The following TAFA1 variants were observed in gnomAD, a reference collection of about 807,000 sequenced individuals.
TAFA1 encodes the protein chemokine-like protein TAFA-1.
In TAFA1, 4 loss-of-function variants were observed where a neutral mutation model predicts 18.5. That is an observed-to-expected ratio of 0.22 (90% CI 0.11 to 0.49). The LOEUF is 0.49. Ranked by LOEUF, TAFA1 falls within the 20% of genes least tolerant of loss-of-function variation. The pLI is 0.98. For missense variants in TAFA1, 147 were observed against 169.0 expected, an observed-to-expected ratio of 0.87 and a Z score of 0.72; for synonymous variants, 56 against 55.2, an observed-to-expected ratio of 1.01 and a Z score of -0.06.
At chr3:68,248,335 A>G (rs771183443) in intron 2 of TAFA1, among the ~76,000 whole-genome samples, 9 of 152,228 alleles carry the variant, frequency 5.9e-5, no homozygotes, top group Non-Finnish European at 7.3e-5. Context: ...AACAAGAACC[A>G]GTAAGTAGAA....
Position 68,285,354 on chromosome 3 carries a change from T to G in TAFA1, c.119-131926T>G, listed in dbSNP as rs574235812. Reference sequence around the variant, plus strand: ...TTGTAAATATTGATCTGGATGGTGCTTATATATAGATATGTAAAAATTAAT... The same window carrying G: ...TTGTAAATATTGATCTGGATGGTGCGTATATATAGATATGTAAAAATTAAT... On this transcript the variant is annotated intron_variant, in intron 2 of 4. Transcript: ENST00000478136. 4.6e-5 allele frequency among the ~76,000 whole-genome samples: 7 copies of G among 152,268 alleles called. No homozygotes were observed. The East Asian group carries it at 1.4e-3, about 29-fold the overall frequency.
At chr3:68,070,045 G>T (rs2064733153) in intron 2 of TAFA1, among the ~76,000 whole-genome samples, 1 of 152,154 alleles carries the variant, frequency 6.6e-6, no homozygotes, top group Non-Finnish European at 1.5e-5. Flanking sequence ...GGGGACTGGG[G>T]GATGATTGCC....
chr3:68,050,044 A>G (rs551864850), intron 2 of TAFA1, among the ~76,000 whole-genome samples: 3 of 152,254 alleles, frequency 2.0e-5, no homozygotes, highest in Admixed American at 1.3e-4. Context: ...TGTGCAGGTT[A>G]CATAACCTCT....
intron 2 of TAFA1, among the ~76,000 whole-genome samples, chr3:68,410,492 T>C (rs532290313): frequency 1.3e-5 from 2 of 152,134 alleles, no homozygotes; most frequent in South Asian, 2.1e-4. Context: ...GGTTTTGGGC[T>C]AATTTTATAG....
At chr3:68,318,187 G>T (rs2068636752) in intron 2 of TAFA1, among the ~76,000 whole-genome samples, 1 of 152,128 alleles carries the variant, frequency 6.6e-6, no homozygotes, top group Non-Finnish European at 1.5e-5. Context: ...GACTGATTTA[G>T]CTCTCTGGTG....
At chr3:68,420,858 A>T (rs2070943282) in intron 3 of TAFA1, among the ~76,000 whole-genome samples, 1 of 152,174 alleles carries the variant, frequency 6.6e-6, no homozygotes, top group Non-Finnish European at 1.5e-5. Flanking sequence ...GAGCACCTCT[A>T]ATGCAGGGAA....
At chr3:68,173,265 G>A (rs909436535) in intron 2 of TAFA1, among the ~76,000 whole-genome samples, 3 of 151,984 alleles carry the variant, frequency 2.0e-5, no homozygotes, top group African/African-American at 7.3e-5. Context: ...TTATTCAAAT[G>A]TACTAAGATG....
chr3:68,529,436 T>TAAAAAAAAAAAAAAAAAA (rs533214097), intron 3 of TAFA1, among the ~76,000 whole-genome samples: 2 of 77,070 alleles, frequency 2.6e-5, no homozygotes, highest in African/African-American at 9.1e-5. Context: ...CACCATTCTC[T>TAAAAAAAAAAAAAAAAAA]AAAAAAAAAA....
chr3:68,048,927 G>T (rs1011628505), intron 2 of TAFA1, among the ~76,000 whole-genome samples: 3 of 152,182 alleles, frequency 2.0e-5, no homozygotes, highest in Non-Finnish European at 4.4e-5. Flanking sequence ...TAACATGGAT[G>T]TGCAGATATC....
intron 3 of TAFA1, among the ~76,000 whole-genome samples, chr3:68,483,481 A>T (rs1394022033): frequency 1.2e-4 from 19 of 152,210 alleles, no homozygotes; most frequent in Non-Finnish European, 1.5e-5. Context: ...CCTCTGATTA[A>T]GAAGTTATAT....
At chr3:68,039,293 T>C (rs1705115674) in intron 2 of TAFA1, among the ~76,000 whole-genome samples, 1 of 152,224 alleles carries the variant, frequency 6.6e-6, no homozygotes, top group Admixed American at 6.5e-5. Flanking sequence ...TATGCATATT[T>C]CTAATTGTTT....
intron 2 of TAFA1, among the ~76,000 whole-genome samples, chr3:68,182,475 C>T (rs1236576919): frequency 1.3e-5 from 2 of 152,166 alleles, no homozygotes; most frequent in South Asian, 2.1e-4. Flanking sequence ...AAACTACTAA[C>T]AGTTTAACAT....
At chr3:68,366,587 A>G (rs916975153) in intron 2 of TAFA1, among the ~76,000 whole-genome samples, 2 of 152,052 alleles carry the variant, frequency 1.3e-5, no homozygotes, top group Admixed American at 1.3e-4. Flanking sequence ...CAAACGTATT[A>G]TCATACCTTT....
chr3:68,305,607 C>T (rs1007575990), intron 2 of TAFA1, among the ~76,000 whole-genome samples: 6 of 151,122 alleles, frequency 4.0e-5, no homozygotes, highest in African/African-American at 1.5e-4. Flanking sequence ...TATAGGGATA[C>T]ACTAGTAAAT....
rs938508823 is a variant in TAFA1 at position 68,058,386 on chromosome 3, T to A, written c.118+51642T>A. On this transcript the variant is annotated intron_variant, in intron 2 of 4. Transcript: ENST00000478136. ...ATTGACTATTATTGCAACATAACAA[T>A]AATGATCTTTATTTTGTGATGATCT... is the stretch of plus-strand genomic sequence containing the variant. 3.3e-5 allele frequency among the ~76,000 whole-genome samples: 5 copies of A among 152,326 alleles called. No individual in the cohort carries two copies. The South Asian group carries it at 1.0e-3, about 32-fold the overall frequency.
chr3:68,540,997 T>C (rs2073363799), intron 4 of TAFA1, among the ~76,000 whole-genome samples: 1 of 152,164 alleles, frequency 6.6e-6, no homozygotes. Context: ...CTGGGTGGGC[T>C]GAATTCAACT....
chr3:68,134,052 G>A (rs2106887655), intron 2 of TAFA1, among the ~76,000 whole-genome samples: 1 of 141,772 alleles, frequency 7.1e-6, no homozygotes, highest in African/African-American at 2.7e-5. Context: ...GAAATGACAA[G>A]TGTGATGACA....
At chr3:68,199,724 C>T (rs1170509996) in intron 2 of TAFA1, among the ~76,000 whole-genome samples, 1 of 151,360 alleles carries the variant, frequency 6.6e-6, no homozygotes, top group African/African-American at 2.4e-5. Flanking sequence ...TTCTATAATC[C>T]CTTATTAATT....
chr3:68,422,085 C>T (rs571193195), intron 3 of TAFA1, among the ~76,000 whole-genome samples: 2 of 152,190 alleles, frequency 1.3e-5, no homozygotes, highest in South Asian at 2.1e-4. Context: ...TCCAGTCTTA[C>T]CCCACTACTA....
Sources: allele counts gnomAD v4.1 joint callset (sites outside exome capture counted in the v4.1 genomes callset), GRCh38; gene constraint gnomAD v4.1.1; transcripts MANE v1.5; gene names NCBI Gene and HGNC (gene_info 2026-07-23, HGNC 2026-07-21).